Variants in NFATC3 observed in about 807,000 individuals in gnomAD.
The protein encoded by NFATC3 is nuclear factor of activated T-cells, cytoplasmic 3.
NFATC3 carries 46 observed loss-of-function variants against 98.6 expected under a neutral mutation model. The observed-to-expected ratio is 0.47, with a 90% confidence interval of 0.37 to 0.60. The LOEUF is 0.60. Ranked by LOEUF, NFATC3 falls within the 20% of genes least tolerant of loss-of-function variation. The pLI is 0.00. For synonymous variants in NFATC3, 512 were observed against 472.2 expected (o/e 1.08, Z -1.09); for missense variants, 1,256 against 1,295.5 (o/e 0.97, Z 0.47).
rs905735934 is a variant in NFATC3, at chr16:68,192,156, T to A, written c.3106+381T>A. On this transcript the variant is annotated intron_variant, in intron 9 of 9. Coordinates refer to ENST00000346183, the MANE Select transcript of NFATC3 (RefSeq NM_173165.3). ...CCGGGAGGTGGCAGTTGCAGGGAGC[T>A]AAGATCGCGCCATTGCACTCCAGCC... 35 of 136,326 alleles carry A rather than the reference T, an allele frequency of 2.6e-4. 1 individual carries two copies. Among genetic ancestry groups the A allele is most frequent in the Non-Finnish European group, 7.3e-5 (5 of 68,038 alleles). The allele number at this position is 136,326 out of a possible 1,614,324, so 8.4% of individuals were successfully genotyped here. A position where few individuals can be genotyped will look rare whatever the true frequency, so the allele number is the denominator to read the frequency against.
chr16:68,210,316 A>G (rs565500209), intron 9 of NFATC3, among the ~76,000 whole-genome samples: 1 of 151,708 alleles, frequency 6.6e-6, no homozygotes, highest in African/African-American at 2.4e-5. Context: ...AAAAAGAAAA[A>G]AAAAAAGAAT....
intron 9 of NFATC3, among the ~76,000 whole-genome samples, chr16:68,222,794 A>G (rs1474967178): frequency 1.3e-5 from 2 of 152,224 alleles, no homozygotes; most frequent in African/African-American, 2.4e-5. Context: ...TTTGGGAGAC[A>G]TAATGATGAT....
intron 1 of NFATC3, among the ~76,000 whole-genome samples, chr16:68,121,305 G>A (rs1358649595): frequency 1.5e-5 from 2 of 137,582 alleles, no homozygotes; most frequent in Non-Finnish European, 3.0e-5. Flanking sequence ...GGAGTACAGT[G>A]GCGTGATCTG....
intron 2 of NFATC3, 39 bp from the exon 3 acceptor site, chr16:68,126,409 T>C (rs1419908013): frequency 3.2e-6 from 5 of 1,574,974 alleles, no homozygotes; most frequent in Non-Finnish European, 3.5e-6. Flanking sequence ...TTGGCAATAA[T>C]AGCATGGTGA....
intron 4 of NFATC3, among the ~76,000 whole-genome samples, chr16:68,163,745 G>A (rs1326334336): frequency 0.018 from 1,551 of 86,666 alleles, no homozygotes; most frequent in Middle Eastern, 0.032. Flanking sequence ...GGGCAGAGGC[G>A]CTCCTCACAT....
At chr16:68,197,442 C>T (rs1035876795) in intron 9 of NFATC3, among the ~76,000 whole-genome samples, 1 of 152,166 alleles carries the variant, frequency 6.6e-6, no homozygotes, top group African/African-American at 2.4e-5. Flanking sequence ...TGCCATCATG[C>T]CCTGCTAATA....
At chr16:68,099,108 A>G (rs1567495746) in intron 1 of NFATC3, among the ~76,000 whole-genome samples, 1 of 151,910 alleles carries the variant, frequency 6.6e-6, no homozygotes, top group South Asian at 2.1e-4. Context: ...GTTTTATCAT[A>G]TGTAGATTAG....
Position 68,191,355 on chromosome 16 carries a change from T to A in NFATC3, c.2686T>A (p.Ser896Thr), listed in dbSNP as rs775679846. 1 of 1,614,182 alleles carries A rather than the reference T, an allele frequency of 6.2e-7. No homozygotes were observed. The highest frequency in any genetic ancestry group is 2.2e-5 in the East Asian group (1 of 44,890). ...CSNTGQRSLS[S>T]PVADQITGQP... ...AAATACAGGACAAAGATCTCTTTCT[T>A]CTCCAGTGGCTGACCAGATTACAGG... The change falls in exon 9 of 10, where the codon TCT (serine) becomes ACT (threonine). Residue 896 changes from serine to threonine, a missense_variant. Transcript: ENST00000346183.
chr16:68,182,367 A>G (rs958063725), intron 7 of NFATC3, among the ~76,000 whole-genome samples: 5 of 152,208 alleles, frequency 3.3e-5, no homozygotes, highest in African/African-American at 1.2e-4. Flanking sequence ...CACTTCCCAC[A>G]GTGCTTTCCA....
At chr16:68,198,027 C>T (rs1315660592) in intron 9 of NFATC3, among the ~76,000 whole-genome samples, 2 of 152,084 alleles carry the variant, frequency 1.3e-5, no homozygotes, top group African/African-American at 4.8e-5. Context: ...CTCAGAATTT[C>T]GGGAGTTATA....
chr16:68,163,658 G>A (rs1450772591), intron 4 of NFATC3, among the ~76,000 whole-genome samples: 5 of 149,372 alleles, frequency 3.3e-5, no homozygotes, highest in South Asian at 2.1e-4. Context: ...GGCAGCTGCC[G>A]GGCGGAGGGT....
Position 68,221,420 on chromosome 16 carries a change from CTAGCCTAAAATTTA to C in NFATC3, c.3107-4927_3107-4914del. On this transcript the variant is annotated intron_variant, in intron 9 of 9. Transcript: ENST00000346183. ...AGCACTTTGTTGCAGTTCTGACTCCCTAGCCTAAAATTTATATTCAGTGCTCACCTGTAGCAATT... is the reference window on the plus strand; with the variant it reads ...AGCACTTTGTTGCAGTTCTGACTCCCTATTCAGTGCTCACCTGTAGCAATT... The C allele has an allele frequency of 2.8e-6, 4 of 1,428,146 alleles. No individual in the cohort carries two copies. The African/African-American group carries it at 5.7e-5, about 20-fold the overall frequency. The allele number at this position is 1,428,146 out of a possible 1,614,324, so 88.5% of individuals were successfully genotyped here.
At chr16:68,155,208 T>A (rs1043539174) in intron 3 of NFATC3, among the ~76,000 whole-genome samples, 1 of 152,094 alleles carries the variant, frequency 6.6e-6, no homozygotes, top group Non-Finnish European at 1.5e-5. Flanking sequence ...GGAATAAAAC[T>A]CACCTGTAAG....
At chr16:68,159,399 T>A (rs2038775692) in intron 4 of NFATC3, among the ~76,000 whole-genome samples, 1 of 150,222 alleles carries the variant, frequency 6.7e-6, no homozygotes, top group Non-Finnish European at 1.5e-5. Context: ...TATAGACCTT[T>A]CTTTCTTTTT....
chr16:68,137,852 G>A (rs2037518938), intron 3 of NFATC3, among the ~76,000 whole-genome samples: 1 of 151,948 alleles, frequency 6.6e-6, no homozygotes, highest in Non-Finnish European at 1.5e-5. Flanking sequence ...TTCTGACCTC[G>A]TGATCCGCCC....
In NFATC3 at chr16:68,168,168, G is replaced by C. The variant is rs568553933; in HGVS notation, c.1774+1153G>C. ...ATTCTTTTTTTCAGGTGAGGGGGTT[G>C]GGTGTTTTTTGAGACGGAGTCTCAC... On this transcript the variant is annotated intron_variant, in intron 5 of 9. Transcript: ENST00000346183. 7.4e-5 allele frequency among the ~76,000 whole-genome samples: 11 copies of C among 148,436 alleles called. No individual in the cohort carries two copies. In the East Asian group the frequency reaches 2.3e-3, roughly 31 times the overall value.
At chr16:68,118,426 ACAT>A (rs1463396095) in intron 1 of NFATC3, among the ~76,000 whole-genome samples, 1 of 152,166 alleles carries the variant, frequency 6.6e-6, no homozygotes, top group African/African-American at 2.4e-5. Flanking sequence ...AATATTAATC[ACAT>A]CATTAATAGT....
intron 4 of NFATC3, among the ~76,000 whole-genome samples, chr16:68,161,833 A>G (rs979728142): frequency 6.6e-6 from 1 of 152,254 alleles, no homozygotes; most frequent in African/African-American, 2.4e-5. Context: ...AGAAAAGAGT[A>G]TATTAATTTC....
At position 68,228,662 on chromosome 16, in the gene NFATC3, C is replaced by T. The variant is rs1482308479; in HGVS notation, c.*2191C>T. ...GGTGTTAAGAGTCAATATTTTTTGGCTTTGTAGATAAAGACTTAAATTTTT... is the reference window on the plus strand; with the variant it reads ...GGTGTTAAGAGTCAATATTTTTTGGTTTTGTAGATAAAGACTTAAATTTTT... On this transcript the variant is annotated 3_prime_UTR_variant, in exon 10 of 10. Transcript: ENST00000346183. 6.6e-6 allele frequency: 1 copy of T among 152,530 alleles called. No homozygotes were observed. The highest frequency in any genetic ancestry group is 1.5e-5 in the Non-Finnish European group (1 of 68,030). The allele number at this position is 152,530 out of a possible 1,614,324, so 9.4% of individuals were successfully genotyped here. A position where few individuals can be genotyped will look rare whatever the true frequency, so the allele number is the denominator to read the frequency against.
Sources: gnomAD v4.1 joint callset for allele counts (sites outside exome capture counted in the v4.1 genomes callset) on GRCh38, gnomAD v4.1.1 for gene constraint, MANE v1.5 for transcripts, NCBI Gene and HGNC (gene_info 2026-07-23, HGNC 2026-07-21) for gene names.